The following NRXN3 variants were observed in gnomAD, a reference collection of about 807,000 sequenced individuals.
NRXN3 encodes neurexin 3.
Under a neutral mutation model 137.6 loss-of-function variants are expected in NRXN3, and 32 were observed. The ratio of observed to expected loss-of-function variants is 0.23; its 90% CI spans 0.18 to 0.31. The LOEUF (loss-of-function observed/expected upper bound fraction) is 0.31, where lower values mean the gene tolerates loss of function less well. Among genes scored for constraint, NRXN3 ranks in the 10% least tolerant of loss-of-function variants. The probability of loss-of-function intolerance (pLI) is 1.00; values close to 1 mark genes in which losing one functional copy is unlikely to be tolerated. For missense variants in NRXN3, 1,574 were observed against 2,062.5 expected, an observed-to-expected ratio of 0.76 and a Z score of 4.59; for synonymous variants, 798 against 784.5, an observed-to-expected ratio of 1.02 and a Z score of -0.29.
At chr14:79,381,400 C>G (rs565517946) in intron 15 of NRXN3, among the ~76,000 whole-genome samples, 2 of 152,162 alleles carry the variant, frequency 1.3e-5, no homozygotes, top group East Asian at 3.9e-4. Context: ...TATATGATCT[C>G]TGAAAGTTCT....
intron 4 of NRXN3, among the ~76,000 whole-genome samples, chr14:78,638,756 A>C (rs1017628429): frequency 6.6e-6 from 1 of 152,184 alleles, no homozygotes; most frequent in African/African-American, 2.4e-5. Flanking sequence ...TAGAGGAACG[A>C]ACTCATACTT....
intron 16 of NRXN3, among the ~76,000 whole-genome samples, chr14:79,660,709 C>G (rs1289529570): frequency 1.3e-5 from 2 of 152,120 alleles, no homozygotes; most frequent in Non-Finnish European, 2.9e-5. Flanking sequence ...AAACTGTTTT[C>G]CATCCATGAT....
intron 16 of NRXN3, among the ~76,000 whole-genome samples, chr14:79,607,106 A>G (rs1179126867): frequency 4.6e-5 from 7 of 152,240 alleles, no homozygotes; most frequent in Non-Finnish European, 7.3e-5. Flanking sequence ...GTCCTGTGTC[A>G]CAATAAAAGG....
chr14:79,118,763 CT>C (rs2054906856), intron 15 of NRXN3, among the ~76,000 whole-genome samples: 1 of 11,460 alleles, frequency 8.7e-5, no homozygotes, highest in Non-Finnish European at 5.2e-4. Context: ...TATTGTAAAC[CT>C]TTTTTAGCAC....
intron 15 of NRXN3, among the ~76,000 whole-genome samples, chr14:79,416,217 A>G (rs117125030): frequency 2.6e-5 from 4 of 152,128 alleles, no homozygotes; most frequent in Admixed American, 1.3e-4. Flanking sequence ...ACCTCCTGGC[A>G]ACCTTCTCTT....
At chr14:78,595,247 T>A (rs936862701) in intron 4 of NRXN3, among the ~76,000 whole-genome samples, 5 of 152,202 alleles carry the variant, frequency 3.3e-5, no homozygotes, top group African/African-American at 1.2e-4. Flanking sequence ...AACTCCCTGC[T>A]GGCCCCAGAA....
chr14:79,411,044 T>C (rs1345956869), intron 15 of NRXN3, among the ~76,000 whole-genome samples: 1 of 152,110 alleles, frequency 6.6e-6, no homozygotes, highest in Non-Finnish European at 1.5e-5. Context: ...CCATAGTTCA[T>C]TCTCTTTTTC....
intron 10 of NRXN3, among the ~76,000 whole-genome samples, chr14:78,943,505 G>C (rs1372876254): frequency 1.3e-5 from 2 of 150,282 alleles, no homozygotes; most frequent in Non-Finnish European, 3.0e-5. Context: ...AAGGGAAAGA[G>C]GCAGGGTTAT....
At chr14:78,858,550 A>T (rs2099063725) in intron 10 of NRXN3, among the ~76,000 whole-genome samples, 1 of 152,186 alleles carries the variant, frequency 6.6e-6, no homozygotes, top group African/African-American at 2.4e-5. Context: ...TTGAGACCAA[A>T]AAGATGTAAG....
intron 15 of NRXN3, among the ~76,000 whole-genome samples, chr14:79,231,887 T>A (rs974346399): frequency 7.9e-5 from 12 of 152,108 alleles, no homozygotes; most frequent in Admixed American, 4.6e-4. Context: ...CTGGTGATGG[T>A]AGGGTGAGGT....
chr14:79,822,548 C>T (rs567662462), intron 20 of NRXN3, among the ~76,000 whole-genome samples: 1 of 151,424 alleles, frequency 6.6e-6, no homozygotes, highest in South Asian at 2.1e-4. Context: ...AACAAACATC[C>T]GAAAAAGCAA....
In NRXN3 at chr14:79,723,464, T is replaced by C. The variant is rs118182503; in HGVS notation, c.4014+25527T>C. Among the ~76,000 whole-genome samples, 330 of 152,274 alleles carry C rather than the reference T, an allele frequency of 2.2e-3. 8 individuals carry two copies. In the East Asian group the frequency reaches 0.04, roughly 19 times the overall value. ...GCATTGTAGCGTCTTAGATGATCAA[T>C]TGCTCATGCCAAAAGCAGAGTGTTA... On this transcript the variant is annotated intron_variant, in intron 19 of 20. Transcript: ENST00000335750.
At chr14:79,634,453 A>G (rs2098387390) in intron 16 of NRXN3, among the ~76,000 whole-genome samples, 1 of 152,182 alleles carries the variant, frequency 6.6e-6, no homozygotes, top group Admixed American at 6.5e-5. Context: ...AAAATAAATT[A>G]TCTCTTTTGA....
At chr14:79,740,106 C>T (rs2098955840) in intron 19 of NRXN3, among the ~76,000 whole-genome samples, 1 of 152,162 alleles carries the variant, frequency 6.6e-6, no homozygotes, top group Non-Finnish European at 1.5e-5. Flanking sequence ...GTATCACTGT[C>T]CTCTAGCCCC....
intron 20 of NRXN3, among the ~76,000 whole-genome samples, chr14:79,834,496 G>A (rs1195614624): frequency 6.6e-6 from 1 of 152,064 alleles, no homozygotes; most frequent in Non-Finnish European, 1.5e-5. Context: ...CACAGCTAAA[G>A]ACACAACATT....
chr14:79,606,711 A>G (rs1043891386), intron 16 of NRXN3, among the ~76,000 whole-genome samples: 7 of 152,216 alleles, frequency 4.6e-5, no homozygotes, highest in African/African-American at 1.7e-4. Context: ...ATTACGTGCC[A>G]TAGAATATTC....
At chr14:79,241,395 G>A (rs1305045896) in intron 15 of NRXN3, among the ~76,000 whole-genome samples, 1 of 152,188 alleles carries the variant, frequency 6.6e-6, no homozygotes. Context: ...AGTTCCACAT[G>A]GCTAGGGAGG....
intron 15 of NRXN3, among the ~76,000 whole-genome samples, chr14:79,072,674 G>A (rs977889288): frequency 1.3e-5 from 2 of 152,124 alleles, no homozygotes; most frequent in African/African-American, 4.8e-5. Context: ...GAGCTGTTAT[G>A]AGAACTAAGT....
chr14:78,931,838 T>A (rs534393868), intron 10 of NRXN3, among the ~76,000 whole-genome samples: 2 of 152,192 alleles, frequency 1.3e-5, no homozygotes, highest in African/African-American at 4.8e-5. Flanking sequence ...GAAGCAGAGA[T>A]AAATTATGTT....
Sources: gnomAD v4.1 joint callset for allele counts (sites outside exome capture counted in the v4.1 genomes callset) on GRCh38, gnomAD v4.1.1 for gene constraint, MANE v1.5 for transcripts, NCBI Gene and HGNC (gene_info 2026-07-23, HGNC 2026-07-21) for gene names.